CALN1: variants seen among roughly 807,000 people sequenced by gnomAD.
CALN1 encodes the protein calcium-binding protein 8.
A neutral mutation model predicts 30.6 loss-of-function variants in CALN1; 17 were observed. The ratio of observed to expected loss-of-function variants is 0.56; its 90% CI spans 0.38 to 0.83. The LOEUF is 0.83. CALN1 is among the 40% of genes least tolerant of loss of function. The pLI, the probability that CALN1 is intolerant of heterozygous loss-of-function variation, is 0.00. For synonymous variants in CALN1, 156 were observed against 131.4 expected, an observed-to-expected ratio of 1.19 and a Z score of -1.28; for missense variants, 291 against 354.9, an observed-to-expected ratio of 0.82 and a Z score of 1.45.
intron 5 of CALN1, among the ~76,000 whole-genome samples, chr7:71,825,535 C>T (rs1364797361): frequency 6.6e-6 from 1 of 152,098 alleles, no homozygotes. Context: ...ACTCACACTT[C>T]CACATGGCTG....
chr7:71,865,548 C>A (rs1004436454), intron 5 of CALN1, among the ~76,000 whole-genome samples: 1 of 152,218 alleles, frequency 6.6e-6, no homozygotes, highest in Admixed American at 6.5e-5. Flanking sequence ...GTTCTCAAAG[C>A]CTTATCTGGT....
chr7:72,451,452 GA>G (rs1160273785), upstream of CALN1, among the ~76,000 whole-genome samples: 3 of 151,804 alleles, frequency 2.0e-5, no homozygotes, highest in Non-Finnish European at 4.4e-5. Flanking sequence ...AGAAGGAGAA[GA>G]AGAGAAGCTG....
At chr7:72,303,909 T>C (rs1562862580) in intron 2 of CALN1, among the ~76,000 whole-genome samples, 1 of 152,228 alleles carries the variant, frequency 6.6e-6, no homozygotes, top group East Asian at 1.9e-4. Context: ...GGATTGCTTG[T>C]ATCATATTTG....
At chr7:71,817,511 T>C (rs1651510070) in intron 5 of CALN1, among the ~76,000 whole-genome samples, 1 of 152,226 alleles carries the variant, frequency 6.6e-6, no homozygotes. Context: ...CATTTATTTG[T>C]TTATTCATTT....
chr7:71,923,860 C>G lies in CALN1; in HGVS notation c.501+99797G>C, dbSNP rs1244996368. Among the ~76,000 whole-genome samples, 3 of 152,060 alleles carry G rather than the reference C, an allele frequency of 2.0e-5. No individual in the cohort carries two copies. The East Asian group carries it at 5.8e-4, about 29-fold the overall frequency. On this transcript the variant is annotated intron_variant, in intron 5 of 6. Transcript: ENST00000395275. ...TAAAATGTCACCCATGTTAGCATGG[C>G]CTTTGAAGGCTCTGCAACCAGAAGT...
chr7:72,209,189 TTTCCTTCCCTCCTTCCCTCC>T lies in CALN1; in HGVS notation c.244+69477_244+69496del, dbSNP rs1562739550. Among the ~76,000 whole-genome samples, 161 of 19,964 alleles carry T rather than the reference TTTCCTTCCCTCCTTCCCTCC, an allele frequency of 8.1e-3. 1 individual carries two copies. The highest frequency in any genetic ancestry group is 0.031 in the African/African-American group (143 of 4,606). 13.1% of individuals were successfully genotyped at this position (19,964 alleles called of 152,430 possible). A position where few individuals can be genotyped will look rare whatever the true frequency, so the allele number is the denominator to read the frequency against. ...GACTTCTTCCTTCCCTCCTTCCCTC[TTTCCTTCCCTCCTTCCCTCC>T]TTCCTTCCCTCCTTCCCTCTTTCCT... On this transcript the variant is annotated intron_variant, in intron 3 of 6. Transcript: ENST00000395275.
chr7:72,450,479 G>GC (rs1413324386), upstream of CALN1, among the ~76,000 whole-genome samples: 1 of 152,196 alleles, frequency 6.6e-6, no homozygotes, highest in African/African-American at 2.4e-5. Context: ...AGCACAGATG[G>GC]CCAACAAGGA....
chr7:72,200,124 C>T (rs1286538205), intron 3 of CALN1, among the ~76,000 whole-genome samples: 1 of 152,120 alleles, frequency 6.6e-6, no homozygotes, highest in Non-Finnish European at 1.5e-5. Context: ...GTTGATGCCC[C>T]GACAAATCAA....
At chr7:71,887,381 C>T (rs377627054) in intron 5 of CALN1, among the ~76,000 whole-genome samples, 1 of 152,192 alleles carries the variant, frequency 6.6e-6, no homozygotes, top group African/African-American at 2.4e-5. Context: ...CCGCAACCTC[C>T]ACTTCCTGGG....
intron 4 of CALN1, chr7:72,103,443 A>C (rs1195931669): frequency 1.3e-5 from 2 of 152,304 alleles, no homozygotes; most frequent in African/African-American, 4.8e-5. Context: ...TGAATTAAGA[A>C]AAGAGGCTCA....
intron 3 of CALN1, among the ~76,000 whole-genome samples, chr7:72,160,867 T>G (rs1286098467): frequency 6.6e-6 from 1 of 152,196 alleles, no homozygotes; most frequent in East Asian, 1.9e-4. Flanking sequence ...AAGCTAGCCC[T>G]GCAACCATTC....
At chr7:72,427,901 C>T (rs2129563901) in intron 1 of CALN1, among the ~76,000 whole-genome samples, 1 of 152,182 alleles carries the variant, frequency 6.6e-6, no homozygotes, top group African/African-American at 2.4e-5. Context: ...GTCCAGCTGC[C>T]TTCCTTCTCT....
chr7:71,839,015 G>T (rs1055636100), intron 5 of CALN1, among the ~76,000 whole-genome samples: 1 of 151,998 alleles, frequency 6.6e-6, no homozygotes, highest in Non-Finnish European at 1.5e-5. Context: ...TCACCATGTT[G>T]CTCAGGCTGG....
intron 5 of CALN1, among the ~76,000 whole-genome samples, chr7:71,811,055 C>T (rs1026697556): frequency 1.3e-4 from 20 of 151,784 alleles, no homozygotes; most frequent in African/African-American, 3.1e-4. Flanking sequence ...CCACCACGCC[C>T]GGCTAATTTT....
At chr7:71,924,213 A>AT (rs1408832620) in intron 5 of CALN1, among the ~76,000 whole-genome samples, 73 of 136,050 alleles carry the variant, frequency 5.4e-4, no homozygotes, top group African/African-American at 2.0e-3. Context: ...AAAAAAAAAA[A>AT]AGATTAGGAT....
At chr7:72,216,605 G>T (rs1792834015) in intron 3 of CALN1, among the ~76,000 whole-genome samples, 1 of 151,974 alleles carries the variant, frequency 6.6e-6, no homozygotes, top group Non-Finnish European at 1.5e-5. Context: ...GTCACCTTCT[G>T]TCCCCTTCAC....
intron 1 of CALN1, among the ~76,000 whole-genome samples, chr7:72,409,893 T>C (rs1172695465): frequency 6.6e-6 from 1 of 152,180 alleles, no homozygotes; most frequent in East Asian, 1.9e-4. Context: ...GATTTTACAA[T>C]TGTTGAGGGC....
chr7:72,043,849 T>C (rs755715878), intron 4 of CALN1, among the ~76,000 whole-genome samples: 4 of 152,178 alleles, frequency 2.6e-5, no homozygotes, highest in African/African-American at 7.2e-5. Flanking sequence ...AGAAGTTTAA[T>C]TGGACTTACA....
chr7:72,390,912 A>G (rs768221145), intron 2 of CALN1, among the ~76,000 whole-genome samples: 4 of 152,230 alleles, frequency 2.6e-5, no homozygotes, highest in African/African-American at 4.8e-5. Context: ...ATTTAGAAAC[A>G]TAATTCACAG....
Sources: gnomAD v4.1 joint callset for allele counts (sites outside exome capture counted in the v4.1 genomes callset) on GRCh38, gnomAD v4.1.1 for gene constraint, MANE v1.5 for transcripts, NCBI Gene and HGNC (gene_info 2026-07-23, HGNC 2026-07-21) for gene names.